The following SSBP2 variants were observed in gnomAD, a reference collection of about 807,000 sequenced individuals.
The protein encoded by SSBP2 is single-stranded DNA-binding protein 2.
In SSBP2, 17 loss-of-function variants were observed where a neutral mutation model predicts 61.8. The observed-to-expected ratio is 0.28, with a 90% confidence interval of 0.19 to 0.41. The LOEUF is 0.41. SSBP2 is among the 10% of genes least tolerant of loss of function. The pLI, the probability that SSBP2 is intolerant of heterozygous loss-of-function variation, is 1.00. For missense variants in SSBP2, 310 were observed against 458.7 expected, an observed-to-expected ratio of 0.68 and a Z score of 2.96; for synonymous variants, 139 against 141.3, an observed-to-expected ratio of 0.98 and a Z score of 0.12.
chr5:81,639,615 GA>G (rs1304235845), intron 2 of SSBP2, among the ~76,000 whole-genome samples: 10 of 150,540 alleles, frequency 6.6e-5, no homozygotes, highest in African/African-American at 2.2e-4. Flanking sequence ...CGGAGATCCA[GA>G]AAGATCTCAA....
chr5:81,535,885 A>T (rs1770764983), intron 4 of SSBP2, among the ~76,000 whole-genome samples: 1 of 152,146 alleles, frequency 6.6e-6, no homozygotes, highest in South Asian at 2.1e-4. Context: ...TGAAAAAAAA[A>T]TTATAACATG....
rs1276626896 is a variant in SSBP2, at chr5:81,496,337, G to A, written c.373-7028C>T. ...TGGGACTACAGGCATGTGCCACCACGCCTGGCTAATTTTTGTATTTTTAGT... is the reference window on the plus strand; with the variant it reads ...TGGGACTACAGGCATGTGCCACCACACCTGGCTAATTTTTGTATTTTTAGT... On this transcript the variant is annotated intron_variant, in intron 5 of 16. Transcript: ENST00000320672. Among the ~76,000 whole-genome samples the A allele has an allele frequency of 3.3e-5, 5 of 151,972 alleles. 1 individual carries two copies. The highest frequency in any genetic ancestry group is 1.9e-4 in the East Asian group (1 of 5,178).
At chr5:81,595,482 C>A (rs1191924362) in intron 4 of SSBP2, among the ~76,000 whole-genome samples, 3 of 152,226 alleles carry the variant, frequency 2.0e-5, no homozygotes, top group Non-Finnish European at 4.4e-5. Context: ...TCCTCCCTAA[C>A]TCATTTTATG....
At chr5:81,643,045 C>A (rs939349158) in intron 2 of SSBP2, among the ~76,000 whole-genome samples, 11 of 152,208 alleles carry the variant, frequency 7.2e-5, no homozygotes, top group Non-Finnish European at 7.3e-5. Context: ...TTCTGAAAAT[C>A]ACATTTCCTA....
At chr5:81,598,145 A>C (rs537540505) in intron 4 of SSBP2, among the ~76,000 whole-genome samples, 1 of 152,256 alleles carries the variant, frequency 6.6e-6, no homozygotes, top group African/African-American at 2.4e-5. Context: ...GAAAATATCA[A>C]GCAAGGAACA....
In SSBP2 at chr5:81,542,041, A is replaced by G. The variant is rs116128047; in HGVS notation, c.283-28324T>C. On this transcript the variant is annotated intron_variant, in intron 4 of 16. Coordinates refer to ENST00000320672, the MANE Select transcript of SSBP2 (RefSeq NM_012446.5). ...TGCATTCAACAAAGGTCTAATATCC[A>G]GAATCCGTAAGGACCTTAAATGAAC... Among the ~76,000 whole-genome samples the G allele has an allele frequency of 1.5e-3, 224 of 152,364 alleles. 1 individual carries two copies. The highest frequency in any genetic ancestry group is 5.2e-3 in the African/African-American group (217 of 41,600).
intron 1 of SSBP2, among the ~76,000 whole-genome samples, chr5:81,654,342 T>C (rs1330995171): frequency 6.6e-6 from 1 of 152,212 alleles, no homozygotes; most frequent in Non-Finnish European, 1.5e-5. Flanking sequence ...TCTGTTTTCA[T>C]AGTACCTTTT....
chr5:81,415,910 TC>T lies in SSBP2; in HGVS notation c.*4593del, dbSNP rs1267747826. ...CTGGGTGACAGAGCAAGATTCTGAC[TC>T]AAAAAAAAAAAAAAAAAAGAGGAAA... On this transcript the variant is annotated 3_prime_UTR_variant, in exon 17 of 17. Transcript: ENST00000320672. 2 of 26,426 alleles carry T rather than the reference TC, an allele frequency of 7.6e-5. No individual in the cohort carries two copies. Among genetic ancestry groups the T allele is most frequent in the Non-Finnish European group, 5.9e-5 (1 of 17,062 alleles). The allele number at this position is 26,426 out of a possible 1,614,324, so 1.6% of individuals were successfully genotyped here.
chr5:81,663,702 A>T (rs1417099006), intron 1 of SSBP2, among the ~76,000 whole-genome samples: 4 of 152,130 alleles, frequency 2.6e-5, no homozygotes, highest in African/African-American at 9.7e-5. Flanking sequence ...ATAATATCCT[A>T]TATCTACTTT....
chr5:81,581,579 G>C (rs1774650937), intron 4 of SSBP2, among the ~76,000 whole-genome samples: 1 of 152,152 alleles, frequency 6.6e-6, no homozygotes, highest in South Asian at 2.1e-4. Context: ...AAATGTTTTT[G>C]CTGGGAGAAT....
At chr5:81,635,038 C>T (rs944373468) in intron 3 of SSBP2, among the ~76,000 whole-genome samples, 1 of 152,184 alleles carries the variant, frequency 6.6e-6, no homozygotes, top group Non-Finnish European at 1.5e-5. Context: ...CAGTATCAAG[C>T]ATAGTATCTG....
intron 1 of SSBP2, among the ~76,000 whole-genome samples, chr5:81,683,533 A>C (rs977641017): frequency 6.6e-6 from 1 of 152,230 alleles, no homozygotes; most frequent in Non-Finnish European, 1.5e-5. Context: ...AAACTCCTAG[A>C]AGATAACATA....
intron 3 of SSBP2, among the ~76,000 whole-genome samples, chr5:81,625,086 A>T (rs1747009226): frequency 6.6e-6 from 1 of 152,176 alleles, no homozygotes; most frequent in Admixed American, 6.5e-5. Flanking sequence ...AGTATATATA[A>T]AAATTTCACT....
chr5:81,616,872 C>A (rs1471404860), intron 3 of SSBP2, among the ~76,000 whole-genome samples: 5 of 152,092 alleles, frequency 3.3e-5, no homozygotes, highest in African/African-American at 1.2e-4. Context: ...GGTACTCCAA[C>A]AGACCTACAG....
intron 5 of SSBP2, 42 bp from the exon 6 acceptor site, chr5:81,489,351 T>C: frequency 1.3e-6 from 2 of 1,517,586 alleles, no homozygotes; most frequent in Admixed American, 2.1e-5. Context: ...CAAAAAACAG[T>C]ACAATGTAAA....
At chr5:81,628,611 T>C (rs972461164) in intron 3 of SSBP2, among the ~76,000 whole-genome samples, 66 of 152,326 alleles carry the variant, frequency 4.3e-4, no homozygotes, top group African/African-American at 1.6e-3. Flanking sequence ...GAGTTGGGAA[T>C]GTTTAACAAA....
intron 1 of SSBP2, 179 bp downstream of exon 1, chr5:81,750,802 C>G (rs893504083): frequency 4.3e-6 from 3 of 691,980 alleles, no homozygotes; most frequent in Non-Finnish European, 7.1e-6. Context: ...AGCGCCCGCA[C>G]CTCCCGGGAA....
intron 5 of SSBP2, among the ~76,000 whole-genome samples, chr5:81,490,053 T>C (rs531610290): frequency 2.6e-5 from 4 of 151,862 alleles, no homozygotes; most frequent in Admixed American, 2.0e-4. Flanking sequence ...AAAAATTGAC[T>C]ACAAATTTTA....
At chr5:81,720,351 CT>C (rs1402932260) in intron 1 of SSBP2, among the ~76,000 whole-genome samples, 1 of 152,160 alleles carries the variant, frequency 6.6e-6, no homozygotes, top group East Asian at 1.9e-4. Flanking sequence ...TGGTTTAATA[CT>C]GACTGTCTGT....
Sources: allele counts gnomAD v4.1 joint callset (sites outside exome capture counted in the v4.1 genomes callset), GRCh38; gene constraint gnomAD v4.1.1; transcripts MANE v1.5; gene names NCBI Gene and HGNC (gene_info 2026-07-23, HGNC 2026-07-21).